The following CLSTN2 variants were observed in gnomAD, a reference collection of about 807,000 sequenced individuals.
The protein encoded by CLSTN2 is calsyntenin 2, also known as calsyntenin-2.
In CLSTN2, 48 loss-of-function variants were observed where a neutral mutation model predicts 101.2. The observed-to-expected ratio is 0.47, with a 90% CI of 0.38 to 0.60. The LOEUF (loss-of-function observed/expected upper bound fraction) is 0.60. CLSTN2 is among the 20% of genes least tolerant of loss of function. The probability of loss-of-function intolerance (pLI) is 0.00; values close to 1 mark genes in which losing one functional copy is unlikely to be tolerated. For synonymous variants in CLSTN2, 481 were observed against 463.6 expected, an observed-to-expected ratio of 1.04 and a Z score of -0.48; for missense variants, 1,160 against 1,238.2, an observed-to-expected ratio of 0.94 and a Z score of 0.95.
At chr3:140,100,228 C>A (rs1177596742) in intron 1 of CLSTN2, among the ~76,000 whole-genome samples, 2 of 151,120 alleles carry the variant, frequency 1.3e-5, no homozygotes, top group East Asian at 3.9e-4. Flanking sequence ...CCTGATGACT[C>A]CCCTCATCTA....
intron 2 of CLSTN2, among the ~76,000 whole-genome samples, chr3:140,301,574 A>G (rs1044656404): frequency 6.6e-6 from 1 of 152,262 alleles, no homozygotes; most frequent in Non-Finnish European, 1.5e-5. Flanking sequence ...AACAGCAAAT[A>G]ACATCTTCCT....
In CLSTN2 at chr3:140,100,429, A is replaced by G. The variant is rs577616996; in HGVS notation, c.110-75522A>G. 3.9e-5 allele frequency among the ~76,000 whole-genome samples: 6 copies of G among 152,308 alleles called. No homozygotes were observed. The East Asian group carries it at 9.6e-4, about 24-fold the overall frequency. On this transcript the variant is annotated intron_variant, in intron 1 of 16. Transcript: ENST00000458420. ...ATGCTACCTTATCTTCCACTTATTA[A>G]CATAAGGCAGTGATCAAGAAAATGA...
intron 1 of CLSTN2, among the ~76,000 whole-genome samples, chr3:140,025,618 C>T (rs11714306): frequency 0.3 from 45,631 of 152,008 alleles, 8,456 homozygotes; most frequent in South Asian, 0.5. Context: ...ATGTTCTTCA[C>T]GAGCAAAGCA....
chr3:140,275,948 G>C (rs556098989), intron 2 of CLSTN2, among the ~76,000 whole-genome samples: 139 of 152,240 alleles, frequency 9.1e-4, no homozygotes, highest in African/African-American at 3.1e-3. Context: ...TGTAAGCAGG[G>C]GCATAGGGTG....
intron 8 of CLSTN2, chr3:140,507,050 A>G (rs1428679354): frequency 2.6e-5 from 4 of 152,152 alleles, no homozygotes; most frequent in Non-Finnish European, 5.9e-5. Flanking sequence ...ACTGGTCCAG[A>G]TGGGGTGATG....
chr3:140,457,180 C>G (rs1457144935), intron 6 of CLSTN2, among the ~76,000 whole-genome samples: 1 of 152,190 alleles, frequency 6.6e-6, no homozygotes, highest in African/African-American at 2.4e-5. Context: ...GCCTCTGCAG[C>G]CACCACACAC....
At chr3:140,057,137 A>T (rs2008112476) in intron 1 of CLSTN2, among the ~76,000 whole-genome samples, 2 of 152,216 alleles carry the variant, frequency 1.3e-5, no homozygotes, top group African/African-American at 4.8e-5. Flanking sequence ...CAGATGAAGA[A>T]ACTGAAGCCA....
chr3:140,319,328 G>A lies in CLSTN2; in HGVS notation c.233-84301G>A, dbSNP rs528498331. On this transcript the variant is annotated intron_variant, in intron 2 of 16. Transcript: ENST00000458420. ...ATCTTAAGCATGGGTGCCATGCTGA[G>A]GGTGAGTTCCCTGAGATCCTAAAGT... is the stretch of plus-strand genomic sequence containing the variant. Among the ~76,000 whole-genome samples, 123 of 152,308 alleles carry A rather than the reference G, an allele frequency of 8.1e-4. 1 individual carries two copies. In the South Asian group the frequency reaches 0.015, roughly 19 times the overall value.
chr3:140,408,213 A>T (rs2088325609), intron 4 of CLSTN2, among the ~76,000 whole-genome samples: 1 of 152,180 alleles, frequency 6.6e-6, no homozygotes, highest in Non-Finnish European at 1.5e-5. Context: ...CCTTAGCTCA[A>T]AAGTTACCCT....
chr3:140,334,866 C>A (rs954420976), intron 2 of CLSTN2, among the ~76,000 whole-genome samples: 1 of 152,182 alleles, frequency 6.6e-6, no homozygotes, highest in Non-Finnish European at 1.5e-5. Context: ...ATCTGGGAAG[C>A]TGACCCTGGA....
At chr3:140,453,768 TA>T (rs754193566) in intron 6 of CLSTN2, among the ~76,000 whole-genome samples, 13 of 152,164 alleles carry the variant, frequency 8.5e-5, no homozygotes, top group East Asian at 3.8e-4. Flanking sequence ...TTGTTTAACG[TA>T]AAAAAATTCA....
chr3:140,016,349 G>A (rs1249591152), intron 1 of CLSTN2, among the ~76,000 whole-genome samples: 1 of 152,120 alleles, frequency 6.6e-6, no homozygotes, highest in Non-Finnish European at 1.5e-5. Context: ...TAGGATAGAA[G>A]CAAAATTTTA....
chr3:140,053,052 G>T (rs1192216146), intron 1 of CLSTN2, among the ~76,000 whole-genome samples: 1 of 152,232 alleles, frequency 6.6e-6, no homozygotes, highest in South Asian at 2.1e-4. Flanking sequence ...TCTGGATGGC[G>T]CTGGCAGTCA....
chr3:140,300,280 T>G (rs1241866769), intron 2 of CLSTN2, among the ~76,000 whole-genome samples: 1 of 152,180 alleles, frequency 6.6e-6, no homozygotes, highest in Non-Finnish European at 1.5e-5. Flanking sequence ...GATTGGGAAT[T>G]TTACAGGTCT....
chr3:140,241,996 C>T (rs558029647), intron 2 of CLSTN2, among the ~76,000 whole-genome samples: 38 of 152,040 alleles, frequency 2.5e-4, no homozygotes, highest in African/African-American at 8.7e-4. Flanking sequence ...CAACCTCCGT[C>T]TCCTGGGTTC....
intron 2 of CLSTN2, among the ~76,000 whole-genome samples, chr3:140,319,927 G>C (rs1034602216): frequency 6.6e-6 from 1 of 152,232 alleles, no homozygotes; most frequent in African/African-American, 2.4e-5. Flanking sequence ...ACTCGCAGCT[G>C]CTTTATGGCT....
intron 1 of CLSTN2, among the ~76,000 whole-genome samples, chr3:140,037,520 C>G (rs898471395): frequency 3.3e-5 from 5 of 150,074 alleles, no homozygotes; most frequent in African/African-American, 7.4e-5. Flanking sequence ...TTGTTTCTTT[C>G]TTTCTTTTTT....
chr3:140,430,953 A>G (rs1383043116), intron 5 of CLSTN2, among the ~76,000 whole-genome samples: 1 of 152,232 alleles, frequency 6.6e-6, no homozygotes, highest in Non-Finnish European at 1.5e-5. Context: ...AAGAGGATAG[A>G]AAAAGGGGAT....
At chr3:140,190,555 G>T (rs1319305863) in intron 2 of CLSTN2, among the ~76,000 whole-genome samples, 2 of 151,612 alleles carry the variant, frequency 1.3e-5, no homozygotes, top group Non-Finnish European at 2.9e-5. Context: ...CAGTGCAGGG[G>T]CATGTTATAT....
Sources: allele counts gnomAD v4.1 joint callset (sites outside exome capture counted in the v4.1 genomes callset), GRCh38; gene constraint gnomAD v4.1.1; transcripts MANE v1.5; gene names NCBI Gene and HGNC (gene_info 2026-07-23, HGNC 2026-07-21).